FHAD1: variants seen among roughly 807,000 people sequenced by gnomAD.
FHAD1 encodes forkhead-associated domain-containing protein 1.
In FHAD1, 146 loss-of-function variants were observed where a neutral mutation model predicts 191.3. That is an observed-to-expected ratio of 0.76 (90% CI 0.67 to 0.88). FHAD1 has a LOEUF of 0.88. Among genes scored for constraint, FHAD1 ranks in the 40% least tolerant of loss-of-function variants. FHAD1 has a pLI of 0.00. For missense variants in FHAD1, 1,635 were observed against 1,785.8 expected (o/e 0.92, Z 1.52); for synonymous variants, 616 against 672.3 (o/e 0.92, Z 1.29).
At chr1:15,394,656 C>T (rs933841608) in intron 33 of FHAD1, among the ~76,000 whole-genome samples, 1 of 152,104 alleles carries the variant, frequency 6.6e-6, no homozygotes, top group Admixed American at 6.6e-5. Flanking sequence ...ACAGACTCTT[C>T]CATTGAAATC....
At chr1:15,239,878 C>T (rs1645162202) in intron 1 of FHAD1, among the ~76,000 whole-genome samples, 1 of 152,162 alleles carries the variant, frequency 6.6e-6, no homozygotes, top group Non-Finnish European at 1.5e-5. Flanking sequence ...TTGTCAGAAT[C>T]TTTTAAAGCT....
chr1:15,237,763 G>A (rs1443202416), intron 1 of FHAD1, among the ~76,000 whole-genome samples: 3 of 150,364 alleles, frequency 2.0e-5, no homozygotes, highest in African/African-American at 7.4e-5. Context: ...AAGAACAGTT[G>A]TTCTCGAGAA....
intron 4 of FHAD1, among the ~76,000 whole-genome samples, chr1:15,294,691 C>A (rs1666337151): frequency 6.6e-6 from 1 of 152,198 alleles, no homozygotes; most frequent in Admixed American, 6.5e-5. Context: ...CCAGGCCTGG[C>A]CCGGCCTGTG....
chr1:15,367,328 T>C, intron 24 of FHAD1, 135 bp from the exon 25 acceptor site: 1 of 977,738 alleles, frequency 1.0e-6, no homozygotes, highest in Non-Finnish European at 1.5e-6. Context: ...AAACCCTGTC[T>C]CTACTAAAAA....
At chr1:15,299,594 C>G (rs369436703) in intron 5 of FHAD1, among the ~76,000 whole-genome samples, 63 of 152,284 alleles carry the variant, frequency 4.1e-4, no homozygotes, top group African/African-American at 1.5e-3. Flanking sequence ...ATAACTGACC[C>G]TCCTACCAAG....
chr1:15,321,217 C>T (rs1353113996), intron 10 of FHAD1, among the ~76,000 whole-genome samples: 2 of 152,232 alleles, frequency 1.3e-5, no homozygotes, highest in Admixed American at 1.3e-4. Context: ...TAGGCGTGAG[C>T]CACAATGCCT....
At chr1:15,281,566 T>A (rs1660588879) in intron 3 of FHAD1, among the ~76,000 whole-genome samples, 1 of 151,800 alleles carries the variant, frequency 6.6e-6, no homozygotes, top group Admixed American at 6.6e-5. Context: ...TTGACACCAG[T>A]CTGACCAACA....
At chr1:15,356,871 CAA>C (rs55899016) in intron 20 of FHAD1, among the ~76,000 whole-genome samples, 4,845 of 137,318 alleles carry the variant, frequency 0.035, 130 homozygotes, top group Admixed American at 0.089. Context: ...GACTCCATCT[CAA>C]AAAAAAAAAA....
chr1:15,375,795 C>CT, intron 28 of FHAD1, 65 bp downstream of exon 28: 1 of 1,451,156 alleles, frequency 6.9e-7, no homozygotes, highest in Non-Finnish European at 9.2e-7. Flanking sequence ...AGGGCAGACA[C>CT]TAGCTTCGTT....
At chr1:15,243,601 A>G (rs35138583), upstream of FHAD1, among the ~76,000 whole-genome samples, 8,377 of 152,326 alleles carry the variant, frequency 0.055, 326 homozygotes, top group South Asian at 0.11. Flanking sequence ...AGAACAGCCC[A>G]GAGAAGGTGG....
chr1:15,392,928 G>A (rs373399197), intron 33 of FHAD1, among the ~76,000 whole-genome samples: 1 of 152,066 alleles, frequency 6.6e-6, no homozygotes, highest in African/African-American at 2.4e-5. Context: ...AGAGAAGGGC[G>A]AACAAAAAGA....
intron 20 of FHAD1, among the ~76,000 whole-genome samples, chr1:15,356,262 T>C (rs1019650548): frequency 1.5e-4 from 23 of 152,138 alleles, no homozygotes; most frequent in Admixed American, 6.5e-5. Flanking sequence ...AAAGAATGAG[T>C]CAGTGTTCCA....
rs2101426054 is a variant in FHAD1, at chr1:15,316,488, T to C, written c.1260+21T>C. 6.5e-7 allele frequency: 1 copy of C among 1,547,768 alleles called. No individual in the cohort carries two copies. On this transcript the variant is annotated intron_variant, in intron 9 of 33. Transcript: ENST00000688493. This position sits in a 1 kb window ranked among gnomAD's most constrained non-coding sequence, Gnocchi z 4.3. Reference sequence around the variant, plus strand: ...AAACCGTGAGTTGAGCTTCCTCCTTTGTAGGTACCACCAGAAAAAACAGAG... The same window carrying C: ...AAACCGTGAGTTGAGCTTCCTCCTTCGTAGGTACCACCAGAAAAAACAGAG...
chr1:15,239,113 G>A (rs768839090), intron 1 of FHAD1, among the ~76,000 whole-genome samples: 32 of 152,064 alleles, frequency 2.1e-4, no homozygotes, highest in Non-Finnish European at 3.4e-4. Flanking sequence ...TGTCTATGTT[G>A]CCTATGCTGG....
chr1:15,341,679 G>A, intron 15 of FHAD1, 57 bp from the exon 16 acceptor site: 1 of 1,410,188 alleles, frequency 7.1e-7, no homozygotes, highest in Non-Finnish European at 9.5e-7. Context: ...AATGGGGAAA[G>A]ACTCTTTAGT....
chr1:15,329,107 T>A lies in FHAD1; in HGVS notation c.1711-239T>A. ...TGTTGATGGTACTTTGGCTCTGGGG[T>A]TTCATAGACCTAAAAGGGGGTTCGC... On this transcript the variant is annotated intron_variant, in intron 13 of 33. Coordinates refer to ENST00000688493, the MANE Select transcript of FHAD1 (RefSeq NM_001391957.1). This position sits in a 1 kb window ranked among gnomAD's most constrained non-coding sequence, Gnocchi z 5.0. The A allele has an allele frequency of 2.9e-6, 1 of 350,702 alleles. No homozygotes were observed. Among genetic ancestry groups the A allele is most frequent in the Admixed American group, 4.3e-5 (1 of 23,226 alleles). The allele number at this position is 350,702 out of a possible 1,614,324, so 21.7% of individuals were successfully genotyped here. A position where few individuals can be genotyped will look rare whatever the true frequency, so the allele number is the denominator to read the frequency against.
chr1:15,236,651 A>T (rs1644819565), exon 1 of FHAD1, among the ~76,000 whole-genome samples: 2 of 152,234 alleles, frequency 1.3e-5, no homozygotes, highest in Admixed American at 6.5e-5. Flanking sequence ...GGACCATTAT[A>T]CAGAGATTCT....
intron 10 of FHAD1, among the ~76,000 whole-genome samples, chr1:15,323,831 A>G (rs932807969): frequency 6.6e-6 from 1 of 152,208 alleles, no homozygotes. Flanking sequence ...TTTGCAGGCT[A>G]CAATTCTTTA....
intron 3 of FHAD1, among the ~76,000 whole-genome samples, chr1:15,284,256 G>A (rs1033568604): frequency 1.3e-5 from 2 of 152,112 alleles, no homozygotes; most frequent in Admixed American, 1.3e-4. Context: ...CGAGGCGGGC[G>A]GATCACGAGG....
Sources: gnomAD v4.1 joint callset for allele counts (sites outside exome capture counted in the v4.1 genomes callset) on GRCh38, gnomAD v4.1.1 for gene constraint, Gnocchi (gnomAD v3.1) non-coding constraint, MANE v1.5 for transcripts, NCBI Gene and HGNC (gene_info 2026-07-23, HGNC 2026-07-21) for gene names.